Variants in MACIR observed in about 807,000 individuals in gnomAD.
The protein encoded by MACIR is UNC119-binding protein C5orf30.
In MACIR, 4 loss-of-function variants were observed where a neutral mutation model predicts 14.3. The ratio of observed to expected loss-of-function variants is 0.28; its 90% CI spans 0.14 to 0.64. The LOEUF (loss-of-function observed/expected upper bound fraction) is 0.64. MACIR is among the 30% of genes least tolerant of loss of function. The pLI, the probability that MACIR is intolerant of heterozygous loss-of-function variation, is 0.83. For missense variants in MACIR, 228 were observed against 257.6 expected, an observed-to-expected ratio of 0.89 and a Z score of 0.79; for synonymous variants, 101 against 102.4, an observed-to-expected ratio of 0.99 and a Z score of 0.08.
chr5:103,275,301 C>T (rs1358445673), intron 2 of MACIR, among the ~76,000 whole-genome samples: 1 of 152,128 alleles, frequency 6.6e-6, no homozygotes, highest in East Asian at 1.9e-4. Context: ...GGGAACCTTC[C>T]CCTAAGACTC....
intron 1 of MACIR, among the ~76,000 whole-genome samples, chr5:103,260,133 G>A (rs1433142435): frequency 2.0e-5 from 3 of 151,686 alleles, no homozygotes; most frequent in Non-Finnish European, 4.4e-5. Flanking sequence ...ATTTGAGCAG[G>A]AAGAATGGAG....
At chr5:103,262,304 A>C (rs150755141) in intron 1 of MACIR, among the ~76,000 whole-genome samples, 1 of 3,938 alleles carries the variant, frequency 2.5e-4, no homozygotes, top group Non-Finnish European at 5.8e-4. Context: ...ACACCCGAAG[A>C]AAGAACTCAG....
chr5:103,263,345 C>T (rs1222484350), intron 1 of MACIR, among the ~76,000 whole-genome samples: 1 of 151,980 alleles, frequency 6.6e-6, no homozygotes, highest in Admixed American at 6.6e-5. Flanking sequence ...TTGTGTTGCT[C>T]CCTTGGACAT....
chr5:103,263,414 T>C (rs901030782), intron 1 of MACIR, among the ~76,000 whole-genome samples: 5 of 152,192 alleles, frequency 3.3e-5, no homozygotes, highest in African/African-American at 1.2e-4. Context: ...CAGTTACTAC[T>C]CTTTGTTTAC....
At chr5:103,264,280 G>C (rs1804843385) in intron 1 of MACIR, among the ~76,000 whole-genome samples, 1 of 152,064 alleles carries the variant, frequency 6.6e-6, no homozygotes, top group African/African-American at 2.4e-5. Flanking sequence ...CTTTAAAATA[G>C]GGCTACTACT....
At chr5:103,267,643 C>T (rs1253122586) in intron 2 of MACIR, among the ~76,000 whole-genome samples, 7 of 151,988 alleles carry the variant, frequency 4.6e-5, no homozygotes, top group Non-Finnish European at 8.8e-5. Context: ...CAAAATTATA[C>T]GGTACAAAAA....
chr5:103,264,315 A>G (rs1404601155), intron 1 of MACIR, among the ~76,000 whole-genome samples: 1 of 152,124 alleles, frequency 6.6e-6, no homozygotes, highest in African/African-American at 2.4e-5. Context: ...AAATGGGATA[A>G]TAATATTTTC....
At chr5:103,267,712 T>G (rs1327865220) in intron 2 of MACIR, among the ~76,000 whole-genome samples, 1 of 152,188 alleles carries the variant, frequency 6.6e-6, no homozygotes, top group Non-Finnish European at 1.5e-5. Flanking sequence ...AGTTCATTTA[T>G]TTTTAATGTC....
chr5:103,275,741 T>C (rs1554237580), intron 2 of MACIR, among the ~76,000 whole-genome samples, 156 bp from the exon 3 acceptor site: 1 of 152,212 alleles, frequency 6.6e-6, no homozygotes, highest in Non-Finnish European at 1.5e-5. Context: ...TCATGCCCGC[T>C]CTGAAACGTT....
At position 103,263,397 on chromosome 5, in the gene MACIR, G is replaced by A. The variant is rs1007107676; in HGVS notation, c.-113-2511G>A. On this transcript the variant is annotated intron_variant, in intron 1 of 2. Coordinates refer to ENST00000319933, the MANE Select transcript of MACIR (RefSeq NM_033211.4). ...TTTTGGCTTGGCACTGGCATAATAG[G>A]AATAATCAGTTACTACTCTTTGTTT... 6.6e-5 allele frequency among the ~76,000 whole-genome samples: 10 copies of A among 152,182 alleles called. No individual in the cohort carries two copies. The South Asian group carries it at 1.9e-3, about 28-fold the overall frequency.
In MACIR at chr5:103,276,102, G is replaced by T. The variant is rs1554237657; in HGVS notation, c.183G>T (p.Leu61Phe). The T allele has an allele frequency of 6.2e-7, 1 of 1,614,024 alleles. No individual in the cohort carries two copies. Among genetic ancestry groups the T allele is most frequent in the Non-Finnish European group, 8.5e-7 (1 of 1,180,012 alleles). The change falls in exon 3 of 3, where the codon TTG (leucine) becomes TTT (phenylalanine). Residue 61 changes from leucine (L) to phenylalanine (F), a missense_variant. By Grantham distance (22) the Leu-to-Phe change is conservative. Coordinates refer to ENST00000319933, the MANE Select transcript of MACIR (RefSeq NM_033211.4). ...YQILHMDSNY[L>F]VGFTTGEELL... ...TCCTACACATGGACTCTAACTATTT[G>T]GTTGGCTTCACGACTGGCGAGGAAC...
chr5:103,275,421 A>G (rs1167182208), intron 2 of MACIR, among the ~76,000 whole-genome samples: 3 of 152,218 alleles, frequency 2.0e-5, no homozygotes, highest in Non-Finnish European at 4.4e-5. Context: ...AAAGAATTGC[A>G]GGTGTCAAGA....
intron 1 of MACIR, chr5:103,259,398 T>C (rs1377355283): frequency 1.3e-5 from 2 of 151,996 alleles, no homozygotes; most frequent in African/African-American, 4.8e-5. Context: ...TCGGGGCGCG[T>C]TGGCGCGCAC....
Position 103,276,763 on chromosome 5 carries a change from A to C in MACIR, c.*223A>C, listed in dbSNP as rs1805353025. On this transcript the variant is annotated 3_prime_UTR_variant, in exon 3 of 3. Transcript: ENST00000319933. ...GAGCACGCAACTGCAAAGAAAACAG[A>C]ATGTTGACTGTTAGTTTGTATAGCT... 1 of 419,250 alleles carries C rather than the reference A, an allele frequency of 2.4e-6. No homozygotes were observed. Among genetic ancestry groups the C allele is most frequent in the Non-Finnish European group, 4.4e-6 (1 of 228,452 alleles). 26.0% of individuals were successfully genotyped at this position (419,250 alleles called of 1,614,324 possible).
chr5:103,262,381 C>T (rs1554236378), intron 1 of MACIR, among the ~76,000 whole-genome samples: 1 of 152,150 alleles, frequency 6.6e-6, no homozygotes, highest in Admixed American at 6.5e-5. Context: ...ATTGCCTTTC[C>T]ATGTTGCTTT....
intron 2 of MACIR, among the ~76,000 whole-genome samples, chr5:103,266,369 A>G (rs1804923006): frequency 1.3e-5 from 2 of 152,170 alleles, no homozygotes; most frequent in African/African-American, 4.8e-5. Context: ...TGCTGAAATA[A>G]TTTGCAAAAA....
At chr5:103,264,474 G>A (rs1804850891) in intron 1 of MACIR, among the ~76,000 whole-genome samples, 1 of 152,072 alleles carries the variant, frequency 6.6e-6, no homozygotes, top group Non-Finnish European at 1.5e-5. Flanking sequence ...TAGTATTGGG[G>A]AAATTCTTTG....
intron 2 of MACIR, among the ~76,000 whole-genome samples, chr5:103,272,236 T>C (rs1333497678): frequency 6.6e-6 from 1 of 152,230 alleles, no homozygotes; most frequent in African/African-American, 2.4e-5. Flanking sequence ...TCTCTAGTTA[T>C]AGTCACCATA....
intron 2 of MACIR, among the ~76,000 whole-genome samples, chr5:103,267,167 T>C (rs962713427): frequency 1.3e-5 from 2 of 152,152 alleles, no homozygotes; most frequent in Non-Finnish European, 2.9e-5. Flanking sequence ...CTTGGGGGAT[T>C]GGTTCCAGGA....
Sources: allele counts gnomAD v4.1 joint callset (sites outside exome capture counted in the v4.1 genomes callset), GRCh38; gene constraint gnomAD v4.1.1; transcripts MANE v1.5; gene names NCBI Gene and HGNC (gene_info 2026-07-23, HGNC 2026-07-21).